Variants in ESR1 observed in about 807,000 individuals in gnomAD.
ESR1 encodes estrogen receptor 1, also known as estrogen receptor.
A neutral mutation model predicts 52.7 loss-of-function variants in ESR1; 12 were observed. That is an observed-to-expected ratio of 0.23 (90% CI 0.15 to 0.37). The LOEUF (loss-of-function observed/expected upper bound fraction) is 0.37, where lower values mean the gene tolerates loss of function less well. Ranked by LOEUF, ESR1 falls within the 10% of genes least tolerant of loss-of-function variation. The pLI is 1.00. For synonymous variants in ESR1, 305 were observed against 316.8 expected (o/e 0.96, Z 0.39); for missense variants, 584 against 779.7 (o/e 0.75, Z 2.99).
At chr6:152,054,110 C>T (rs1340963635) in intron 5 of ESR1, among the ~76,000 whole-genome samples, 5 of 151,998 alleles carry the variant, frequency 3.3e-5, no homozygotes, top group South Asian at 2.1e-4. Context: ...ATATATTTAG[C>T]GCTGTCCCTC....
chr6:151,819,100 C>T (rs1027611977), intron 1 of ESR1, among the ~76,000 whole-genome samples: 2 of 152,154 alleles, frequency 1.3e-5, no homozygotes, highest in African/African-American at 4.8e-5. Flanking sequence ...CTTCTTTCTT[C>T]TTGTTCCATC....
chr6:151,731,865 G>T (rs1782270003), intron 2 of ESR1, among the ~76,000 whole-genome samples: 1 of 152,178 alleles, frequency 6.6e-6, no homozygotes, highest in Admixed American at 6.5e-5. Context: ...GCAGATTTCT[G>T]CATCAGTAGA....
intron 3 of ESR1, among the ~76,000 whole-genome samples, chr6:151,939,711 A>G (rs1430945922): frequency 6.6e-6 from 1 of 152,114 alleles, no homozygotes; most frequent in African/African-American, 2.4e-5. Context: ...AAGAGGATCC[A>G]TTCTTCATTG....
intron 1 of ESR1, among the ~76,000 whole-genome samples, chr6:151,672,373 G>C (rs1778095303): frequency 6.7e-6 from 1 of 149,196 alleles, no homozygotes; most frequent in Admixed American, 6.7e-5. Flanking sequence ...GTCTTGCTCT[G>C]TTGCCCAGGC....
rs1179310006 is a variant in ESR1, at chr6:152,094,725, AAG to A, written c.1553+164_1553+165del. 6.6e-6 allele frequency among the ~76,000 whole-genome samples: 1 copy of A among 152,196 alleles called. No individual in the cohort carries two copies. The highest frequency in any genetic ancestry group is 1.5e-5 in the Non-Finnish European group (1 of 68,026). On this transcript the variant is annotated intron_variant, in intron 7 of 7. Coordinates refer to ENST00000206249, the MANE Select transcript of ESR1 (RefSeq NM_000125.4). This position sits in a 1 kb window ranked among gnomAD's most constrained non-coding sequence, Gnocchi z 4.6. ...AAGCATAAATGCTATAGGAGGACAG[AAG>A]AGAGAGGTTTTAAATCTGCGAGGGT...
chr6:151,681,910 C>A (rs1409506070), intron 1 of ESR1, among the ~76,000 whole-genome samples: 1 of 152,090 alleles, frequency 6.6e-6, no homozygotes. Flanking sequence ...CCACGAGGTG[C>A]TGGGGTCGCT....
chr6:151,852,880 A>C (rs1787070165), intron 2 of ESR1, among the ~76,000 whole-genome samples: 1 of 152,022 alleles, frequency 6.6e-6, no homozygotes, highest in South Asian at 2.1e-4. Context: ...GAAACTTTTT[A>C]AAAGAAAGTC....
At chr6:151,664,326 T>C (rs1777743808) in intron 1 of ESR1, among the ~76,000 whole-genome samples, 1 of 152,198 alleles carries the variant, frequency 6.6e-6, no homozygotes, top group South Asian at 2.1e-4. Context: ...TTTCAAGTAA[T>C]TTAAATTAAG....
chr6:151,902,862 TGTC>T (rs1220264186), intron 3 of ESR1, among the ~76,000 whole-genome samples: 1 of 152,240 alleles, frequency 6.6e-6, no homozygotes, highest in African/African-American at 2.4e-5. Flanking sequence ...TTTAGTATAC[TGTC>T]ATCATTATAA....
chr6:151,863,640 T>C (rs551213046), intron 2 of ESR1, among the ~76,000 whole-genome samples: 38 of 152,272 alleles, frequency 2.5e-4, no homozygotes, highest in Non-Finnish European at 5.1e-4. Flanking sequence ...TTTATTTCTT[T>C]CTCCTGCCTA....
intron 4 of ESR1, among the ~76,000 whole-genome samples, chr6:151,947,708 G>A (rs572593090): frequency 8.5e-5 from 13 of 152,230 alleles, no homozygotes; most frequent in Middle Eastern, 6.8e-3. Context: ...GGGATAGAAT[G>A]CATCATACAA....
chr6:151,857,780 C>T (rs540431375), intron 2 of ESR1, among the ~76,000 whole-genome samples: 7 of 152,198 alleles, frequency 4.6e-5, no homozygotes, highest in East Asian at 3.9e-4. Context: ...TTGCCTGCCT[C>T]GGTCTCCCAA....
At chr6:151,760,313 C>A (rs1784576356) in intron 2 of ESR1, among the ~76,000 whole-genome samples, 1 of 152,176 alleles carries the variant, frequency 6.6e-6, no homozygotes, top group Non-Finnish European at 1.5e-5. Context: ...CACACAAGAC[C>A]ACCCAACAAG....
intron 2 of ESR1, among the ~76,000 whole-genome samples, chr6:151,789,874 G>A (rs1004583386): frequency 6.6e-6 from 1 of 152,162 alleles, no homozygotes; most frequent in African/African-American, 2.4e-5. Context: ...CTTAAAGCCA[G>A]CCTGAATTTC....
chr6:151,660,682 T>C (rs1177671982), intron 1 of ESR1, among the ~76,000 whole-genome samples: 1 of 152,218 alleles, frequency 6.6e-6, no homozygotes, highest in African/African-American at 2.4e-5. Flanking sequence ...TTCTTATTGT[T>C]ATTTTTTAAA....
At chr6:151,768,363 A>G (rs748862223) in intron 2 of ESR1, among the ~76,000 whole-genome samples, 3 of 152,198 alleles carry the variant, frequency 2.0e-5, no homozygotes, top group Non-Finnish European at 4.4e-5. Flanking sequence ...GGGGCATTCC[A>G]CAAAATAGCT....
chr6:151,883,180 C>T (rs1387310700), intron 3 of ESR1, among the ~76,000 whole-genome samples: 1 of 151,626 alleles, frequency 6.6e-6, no homozygotes, highest in East Asian at 1.9e-4. Context: ...AGTGCAGTGG[C>T]ACTATCTCAG....
At chr6:151,695,392 T>C (rs1779259391) in intron 1 of ESR1, among the ~76,000 whole-genome samples, 1 of 152,184 alleles carries the variant, frequency 6.6e-6, no homozygotes, top group Non-Finnish European at 1.5e-5. Flanking sequence ...CCCCAACAAG[T>C]TGACAATCCT....
At chr6:151,771,348 C>T (rs1223937709) in intron 2 of ESR1, among the ~76,000 whole-genome samples, 1 of 152,192 alleles carries the variant, frequency 6.6e-6, no homozygotes, top group Non-Finnish European at 1.5e-5. Context: ...AAATCCCCCA[C>T]CTTTGTCCAC....
Sources: allele counts gnomAD v4.1 joint callset (sites outside exome capture counted in the v4.1 genomes callset), GRCh38; gene constraint gnomAD v4.1.1; non-coding constraint Gnocchi (gnomAD v3.1); transcripts MANE v1.5; gene names NCBI Gene and HGNC (gene_info 2026-07-23, HGNC 2026-07-21).